The following SIGLEC10 variants were observed in gnomAD, a reference collection of about 807,000 sequenced individuals.
SIGLEC10 encodes sialic acid binding Ig like lectin 10.
In SIGLEC10, 45 loss-of-function variants were observed where a neutral mutation model predicts 68.3. That is an observed-to-expected ratio of 0.66 (90% CI 0.52 to 0.84). The LOEUF is 0.84. Among genes scored for constraint, SIGLEC10 ranks in the 40% least tolerant of loss-of-function variants. The probability of loss-of-function intolerance (pLI) is 0.00; values close to 1 mark genes in which losing one functional copy is unlikely to be tolerated. For synonymous variants in SIGLEC10, 379 were observed against 370.8 expected, an observed-to-expected ratio of 1.02 and a Z score of -0.26; for missense variants, 789 against 883.1, an observed-to-expected ratio of 0.89 and a Z score of 1.35.
rs775614494 is a variant in SIGLEC10, at chr19:51,417,483, C to T, written c.38-18G>A. ...CTGGGACCCTGTGGGGAGACAGAGG[C>T]TCAACCTGCAACCCCAGCCCTAGCT... On this transcript the variant is annotated intron_variant, in intron 1 of 10. Coordinates refer to ENST00000339313, the MANE Select transcript of SIGLEC10 (RefSeq NM_033130.5). 1 of 1,613,742 alleles carries T rather than the reference C, an allele frequency of 6.2e-7. No individual in the cohort carries two copies. The highest frequency in any genetic ancestry group is 1.7e-5 in the Admixed American group (1 of 60,008).
rs200056653 is a variant in SIGLEC10 at position 51,410,992 on chromosome 19, A to AAG, written c.*105_*106dup. 2.6e-4 allele frequency: 269 copies of AAG among 1,039,868 alleles called. No individual in the cohort carries two copies. The African/African-American group carries it at 2.8e-3, about 11-fold the overall frequency. 64.4% of individuals were successfully genotyped at this position (1,039,868 alleles called of 1,614,324 possible). On this transcript the variant is annotated 3_prime_UTR_variant, in exon 11 of 11. Transcript: ENST00000339313. ...AGAGAGAAAGAGAGAGAGAGAGAGA[A>AAG]AGAGAGAGAGAGAGGGAGAGAAGGA...
chr19:51,417,225 G>T lies in SIGLEC10; in HGVS notation c.278C>A (p.Thr93Asn). The change falls in exon 2 of 11, where the codon ACT (threonine) becomes AAT (asparagine). Residue 93 changes from threonine to asparagine, a missense_variant. Thr to Asn is a moderately conservative substitution (Grantham distance 65, BLOSUM62 0). Coordinates refer to ENST00000339313, the MANE Select transcript of SIGLEC10 (RefSeq NM_033130.5). ...GCAGTTCCCCTTGGCGGGATCCCCA[G>T]TGAGCTGGAATCGGCCCCGGGTGCT... is the stretch of plus-strand genomic sequence containing the variant. ...EMSTRGRFQL[T>N]GDPAKGNCSL... 1 of 1,614,250 alleles carries T rather than the reference G, an allele frequency of 6.2e-7. No homozygotes were observed.
chr19:51,414,813 G>A lies in SIGLEC10; in HGVS notation c.1615+11C>T, dbSNP rs996215841. 22 of 1,611,546 alleles carry A rather than the reference G, an allele frequency of 1.4e-5. No individual in the cohort carries two copies. The highest frequency in any genetic ancestry group is 9.4e-5 in the African/African-American group (7 of 74,700). The stretch of plus-strand genomic sequence containing the variant: ...CCTCCAAGAACCTTGGCATCCAGGC[G>A]GCCCCCTAACCTGGCAGCTGCAGGA... On this transcript the variant is annotated intron_variant, in intron 8 of 10. Transcript: ENST00000339313. The surrounding 1 kb of genome is among the most constrained non-coding windows in gnomAD (Gnocchi z 4.1).
In SIGLEC10 at chr19:51,416,297, C is replaced by T. The variant is rs111911042; in HGVS notation, c.754+13G>A. ...GACAACTGGCCCAGCCCCAGCCCGA[C>T]GGCCCTCAGTACCTGGCGTGTTGTC... is the stretch of plus-strand genomic sequence containing the variant. On this transcript the variant is annotated intron_variant, in intron 4 of 10. Transcript: ENST00000339313. 273 of 1,614,050 alleles carry T rather than the reference C, an allele frequency of 1.7e-4. 1 individual carries two copies. The highest frequency in any genetic ancestry group is 1.6e-3 in the African/African-American group (123 of 75,014).
chr19:51,410,969 A>C lies in SIGLEC10; in HGVS notation c.*130T>G. 1 of 1,105,052 alleles carries C rather than the reference A, an allele frequency of 9.0e-7. No individual in the cohort carries two copies. The highest frequency in any genetic ancestry group is 1.6e-5 in the South Asian group (1 of 63,158). The allele number at this position is 1,105,052 out of a possible 1,614,324, so 68.5% of individuals were successfully genotyped here. A position where few individuals can be genotyped will look rare whatever the true frequency, so the allele number is the denominator to read the frequency against. On this transcript the variant is annotated 3_prime_UTR_variant, in exon 11 of 11. Coordinates refer to ENST00000339313, the MANE Select transcript of SIGLEC10 (RefSeq NM_033130.5). The stretch of plus-strand genomic sequence containing the variant: ...CTGGCCAGATGTTTTTTTAAAAGAG[A>C]GAGAAAGAGAGAGAGAGAGAGAAAG...
rs1271872921 is a variant in SIGLEC10, at chr19:51,417,380, G to A, written c.123C>T (p.Cys41=). 3 of 1,614,228 alleles carry A rather than the reference G, an allele frequency of 1.9e-6. No homozygotes were observed. Among genetic ancestry groups the A allele is most frequent in the Admixed American group, 1.7e-5 (1 of 60,026 alleles). ...VPEGLCISVP[C]SFSYPRQDWT... Reference sequence around the variant, plus strand: ...AGTCCTGTCGGGGGTAGGAGAAAGAGCAGGGCACAGAGATGCACAGGCCCT... The same window carrying A: ...AGTCCTGTCGGGGGTAGGAGAAAGAACAGGGCACAGAGATGCACAGGCCCT... The change falls in exon 2 of 11, where the codon TGC becomes TGT. Residue 41 remains cysteine (C), a synonymous_variant. Coordinates refer to ENST00000339313, the MANE Select transcript of SIGLEC10 (RefSeq NM_033130.5).
intron 10 of SIGLEC10, 88 bp from the exon 11 acceptor site, chr19:51,411,459 G>A (rs1029954921): frequency 2.0e-6 from 3 of 1,508,106 alleles, no homozygotes; most frequent in Non-Finnish European, 2.7e-6. Context: ...ACAGCACAGA[G>A]TGAAACTAAG....
Position 51,411,021 on chromosome 19 carries a change from T to G in SIGLEC10, c.*78A>C. 6.7e-7 allele frequency: 1 copy of G among 1,485,112 alleles called. No homozygotes were observed. The highest frequency in any genetic ancestry group is 9.1e-7 in the Non-Finnish European group (1 of 1,100,516). 92.0% of individuals were successfully genotyped at this position (1,485,112 alleles called of 1,614,324 possible). ...GAGAGAGAGAGGGAGAGAAGGAAAC[T>G]TTGCACTCTGTTATCTTCAACCTCT... On this transcript the variant is annotated 3_prime_UTR_variant, in exon 11 of 11. Transcript: ENST00000339313.
chr19:51,415,774 C>T (rs1270872610), intron 5 of SIGLEC10, 124 bp downstream of exon 5: 2 of 1,577,706 alleles, frequency 1.3e-6, no homozygotes, highest in East Asian at 2.2e-5. Flanking sequence ...AGGGTCTACA[C>T]AGGTAAGAAG....
In SIGLEC10 at chr19:51,414,081, C is replaced by T. The variant is rs1030671983; in HGVS notation, c.1710-258G>A. 6.6e-6 allele frequency among the ~76,000 whole-genome samples: 1 copy of T among 152,200 alleles called. No homozygotes were observed. Among genetic ancestry groups the T allele is most frequent in the African/African-American group, 2.4e-5 (1 of 41,446 alleles). ...AGGGCAGCTGTCTGAGCCTCTACAG[C>T]CCTTTGTATTTATTGGGTAGAAAGA... On this transcript the variant is annotated intron_variant, in intron 9 of 10. Coordinates refer to ENST00000339313, the MANE Select transcript of SIGLEC10 (RefSeq NM_033130.5). This position sits in a 1 kb window ranked among gnomAD's most constrained non-coding sequence, Gnocchi z 4.1.
Position 51,417,569 on chromosome 19 carries a change from G to T in SIGLEC10, c.13C>A (p.Leu5Met), listed in dbSNP as rs1226740349. The change falls in exon 1 of 11, where the codon CTG (leucine) becomes ATG (methionine). Residue 5 changes from leucine to methionine, a missense_variant. By Grantham distance (15) the Leu-to-Met change is conservative. Coordinates refer to ENST00000339313, the MANE Select transcript of SIGLEC10 (RefSeq NM_033130.5). ...CCGCCCAGCAGCGAGGACAGCAGCA[G>T]TGGCAGTAGCATCTCCGCATAGGAG... Reference protein sequence around the residue: MLLPLLLSSLLGGSQ... With the variant: MLLPMLLSSLLGGSQ... The T allele has an allele frequency of 1.2e-6, 2 of 1,614,132 alleles. No individual in the cohort carries two copies. The highest frequency in any genetic ancestry group is 1.7e-6 in the Non-Finnish European group (2 of 1,180,044).
chr19:51,412,262 G>A (rs879648370), intron 10 of SIGLEC10, among the ~76,000 whole-genome samples: 7 of 152,112 alleles, frequency 4.6e-5, no homozygotes, highest in South Asian at 2.1e-4. Context: ...AGTGGTGCCC[G>A]GGGTGGGGTG....
intron 4 of SIGLEC10, 62 bp from the exon 5 acceptor site, chr19:51,416,229 G>A (rs1988632333): frequency 6.2e-7 from 1 of 1,612,176 alleles, no homozygotes. Flanking sequence ...AGGGGTACAG[G>A]GAGGAGCACA....
intron 6 of SIGLEC10, 21 bp downstream of exon 6, chr19:51,415,547 C>G (rs1988528088): frequency 6.2e-7 from 1 of 1,614,044 alleles, no homozygotes; most frequent in East Asian, 2.2e-5. Flanking sequence ...GAGGCCTTGG[C>G]TCCTCTGTCC....
chr19:51,414,252 C>T lies in SIGLEC10; in HGVS notation c.1709+170G>A. 1.6e-6 allele frequency: 1 copy of T among 629,586 alleles called. No homozygotes were observed. The highest frequency in any genetic ancestry group is 2.8e-5 in the East Asian group (1 of 36,290). 39.0% of individuals were successfully genotyped at this position (629,586 alleles called of 1,614,324 possible). ...CAGCATTCCCTCTGGGAAGCAGACG[C>T]AGTTTGTCAGTTGGACAACATTCTG... On this transcript the variant is annotated intron_variant, in intron 9 of 10. Transcript: ENST00000339313. The surrounding 1 kb of genome is among the most constrained non-coding windows in gnomAD (Gnocchi z 4.1).
At chr19:51,411,997 G>A (rs1988054302) in intron 10 of SIGLEC10, among the ~76,000 whole-genome samples, 1 of 151,782 alleles carries the variant, frequency 6.6e-6, no homozygotes, top group African/African-American at 2.4e-5. Flanking sequence ...ACAAAAATTA[G>A]GGGGGCATGG....
chr19:51,417,397 A>T lies in SIGLEC10; in HGVS notation c.106T>A (p.Cys36Ser). 1 of 1,614,206 alleles carries T rather than the reference A, an allele frequency of 6.2e-7. No homozygotes were observed. The highest frequency in any genetic ancestry group is 8.5e-7 in the Non-Finnish European group (1 of 1,180,028). ...GAGAAAGAGCAGGGCACAGAGATGC[A>T]CAGGCCCTCCGGCACCATCACTGAC... is the stretch of plus-strand genomic sequence containing the variant. ...QESVMVPEGL[C>S]ISVPCSFSYP... Residue 36 changes from cysteine (C) to serine (S), a missense_variant, in exon 2 of 11, where the codon TGC (cysteine) becomes AGC (serine). Coordinates refer to ENST00000339313, the MANE Select transcript of SIGLEC10 (RefSeq NM_033130.5).
Position 51,411,182 on chromosome 19 carries a change from T to C in SIGLEC10, c.2011A>G (p.Asn671Asp). 1 of 1,614,190 alleles carries C rather than the reference T, an allele frequency of 6.2e-7. No individual in the cohort carries two copies. Among genetic ancestry groups the C allele is most frequent in the Non-Finnish European group, 8.5e-7 (1 of 1,180,032 alleles). ...GGCCTGGGTCTGACGCCTGGGAAGTTGAGCGTGGCATAATGGAGCTCCTCT... is the reference window on the plus strand; with the variant it reads ...GGCCTGGGTCTGACGCCTGGGAAGTCGAGCGTGGCATAATGGAGCTCCTCT... Reference protein sequence around the residue: ...SQEELHYATLNFPGVRPRPEA... With the variant: ...SQEELHYATLDFPGVRPRPEA... The change falls in exon 11 of 11, where the codon AAC becomes GAC. Residue 671 changes from asparagine (N) to aspartate (D), a missense_variant. Asn to Asp is a conservative substitution (Grantham distance 23). Coordinates refer to ENST00000339313, the MANE Select transcript of SIGLEC10 (RefSeq NM_033130.5).
At position 51,415,988 on chromosome 19, in the gene SIGLEC10, C is replaced by T. The variant is rs184604120; in HGVS notation, c.934G>A (p.Gly312Arg). The T allele has an allele frequency of 1.1e-4, 171 of 1,613,576 alleles. No homozygotes were observed. Among genetic ancestry groups the T allele is most frequent in the Admixed American group, 3.5e-4 (21 of 60,024 alleles). The change falls in exon 5 of 11, where the codon GGG becomes AGG. Residue 312 changes from glycine to arginine, a missense_variant. Coordinates refer to ENST00000339313, the MANE Select transcript of SIGLEC10 (RefSeq NM_033130.5). Reference protein sequence around the residue: ...GPRPLGLELPGVKAGDSGRYT... With the variant: ...GPRPLGLELPRVKAGDSGRYT... ...CGCCCTGAATCCCCAGCCTTCACCC[C>T]GGGCAGCTCCAGCCCCAGGGGTCTA...
Sources: gnomAD v4.1 joint callset for allele counts (sites outside exome capture counted in the v4.1 genomes callset) on GRCh38, gnomAD v4.1.1 for gene constraint, Gnocchi (gnomAD v3.1) non-coding constraint, MANE v1.5 for transcripts, NCBI Gene and HGNC (gene_info 2026-07-23, HGNC 2026-07-21) for gene names.